Variants in RPS6KA5 observed in about 807,000 individuals in gnomAD.
RPS6KA5 encodes ribosomal protein S6 kinase A5.
Under a neutral mutation model 85.5 loss-of-function variants are expected in RPS6KA5, and 27 were observed. The ratio of observed to expected loss-of-function variants is 0.32; its 90% confidence interval spans 0.23 to 0.44. The LOEUF (loss-of-function observed/expected upper bound fraction) is 0.44, where lower values mean the gene tolerates loss of function less well. Ranked by LOEUF, RPS6KA5 falls within the 20% of genes least tolerant of loss-of-function variation. The pLI, the probability that RPS6KA5 is intolerant of heterozygous loss-of-function variation, is 1.00. For missense variants in RPS6KA5, 811 were observed against 980.9 expected, an observed-to-expected ratio of 0.83 and a Z score of 2.31; for synonymous variants, 334 against 348.2, an observed-to-expected ratio of 0.96 and a Z score of 0.46.
chr14:91,004,192 T>C (rs922139450), intron 1 of RPS6KA5, among the ~76,000 whole-genome samples: 5 of 152,116 alleles, frequency 3.3e-5, no homozygotes, highest in African/African-American at 1.2e-4. Flanking sequence ...TTCACGCCAT[T>C]CTCCTGCCTC....
chr14:91,028,221 A>G (rs932495468), intron 1 of RPS6KA5, among the ~76,000 whole-genome samples: 1 of 152,160 alleles, frequency 6.6e-6, no homozygotes, highest in Admixed American at 6.5e-5. Flanking sequence ...ACACCCTTAC[A>G]AAGAAAATTT....
At chr14:90,995,275 G>A (rs1023812962) in intron 2 of RPS6KA5, among the ~76,000 whole-genome samples, 5 of 152,140 alleles carry the variant, frequency 3.3e-5, no homozygotes, top group African/African-American at 4.8e-5. Flanking sequence ...ACGAGCCACC[G>A]TGCCTGGCCA....
chr14:90,890,580 A>C lies in RPS6KA5; in HGVS notation c.1743T>G (p.Thr581=), dbSNP rs998198073. The C allele has an allele frequency of 6.2e-7, 1 of 1,614,180 alleles. No individual in the cohort carries two copies. Among genetic ancestry groups the C allele is most frequent in the African/African-American group, 1.3e-5 (1 of 75,046 alleles). The change falls in exon 14 of 17, where the codon ACT becomes ACG. Residue 581 remains threonine, a synonymous_variant. Transcript: ENST00000614987. The part of the protein sequence containing the change: ...LKPPDNQPLK[T]PCFTLHYAAP... Reference sequence around the variant, plus strand: ...CGGCATAATGAAGGGTGAAGCATGGAGTCTTCAGGGGCTGATTATCCGGTG... The same window carrying C: ...CGGCATAATGAAGGGTGAAGCATGGCGTCTTCAGGGGCTGATTATCCGGTG...
chr14:90,928,112 G>A (rs929755035), intron 5 of RPS6KA5, among the ~76,000 whole-genome samples: 2 of 151,574 alleles, frequency 1.3e-5, no homozygotes, highest in Admixed American at 6.6e-5. Context: ...ACTTTTTGTA[G>A]AGAGACGCAG....
intron 1 of RPS6KA5, among the ~76,000 whole-genome samples, chr14:91,033,862 AG>A (rs1161635186): frequency 2.0e-5 from 3 of 152,226 alleles, no homozygotes; most frequent in African/African-American, 7.2e-5. Context: ...ATAGGGAAAA[AG>A]AAAACTCAAA....
intron 9 of RPS6KA5, among the ~76,000 whole-genome samples, chr14:90,901,706 C>T (rs1464968406): frequency 6.6e-6 from 1 of 152,156 alleles, no homozygotes; most frequent in African/African-American, 2.4e-5. Flanking sequence ...TTAAGCCATA[C>T]TAAAGGTATA....
At chr14:90,986,940 A>T (rs959385855) in intron 2 of RPS6KA5, among the ~76,000 whole-genome samples, 2 of 152,194 alleles carry the variant, frequency 1.3e-5, no homozygotes, top group African/African-American at 4.8e-5. Flanking sequence ...GCAGTAAATC[A>T]CATAAATCCA....
rs34806962 is a variant in RPS6KA5, at chr14:91,016,866, CAAA to C, written c.104-15710_104-15708del. 1.9e-3 allele frequency among the ~76,000 whole-genome samples: 235 copies of C among 120,778 alleles called. 1 individual carries two copies. Among genetic ancestry groups the C allele is most frequent in the Middle Eastern group, 0.018 (4 of 222 alleles). The allele number at this position is 120,778 out of a possible 152,430, so 79.2% of individuals were successfully genotyped here. On this transcript the variant is annotated intron_variant, in intron 1 of 16. Transcript: ENST00000614987. ...ATTTGGCTAGAGCTCTCTAAACAGG[CAAA>C]AAAAAAAAAAAAAAACTGAAGGTAT... is the stretch of plus-strand genomic sequence containing the variant.
At chr14:90,996,110 C>G (rs956148656) in intron 2 of RPS6KA5, among the ~76,000 whole-genome samples, 27 of 152,020 alleles carry the variant, frequency 1.8e-4, no homozygotes, top group African/African-American at 6.0e-4. Flanking sequence ...CTTCCAGACT[C>G]AAGAGATATT....
intron 1 of RPS6KA5, among the ~76,000 whole-genome samples, chr14:91,059,784 C>T (rs1357575593): frequency 6.6e-6 from 1 of 152,234 alleles, no homozygotes; most frequent in Non-Finnish European, 1.5e-5. Context: ...GCCGGCGATT[C>T]CTGTTCCTGT....
chr14:91,055,504 G>A (rs2043277811), intron 1 of RPS6KA5, among the ~76,000 whole-genome samples: 2 of 152,162 alleles, frequency 1.3e-5, no homozygotes, highest in South Asian at 4.1e-4. Flanking sequence ...ATTTTGCCGG[G>A]CAGGTTGGCT....
At chr14:90,873,953 T>G (rs2033288493) in intron 15 of RPS6KA5, among the ~76,000 whole-genome samples, 158 bp from the exon 16 acceptor site, 1 of 152,228 alleles carries the variant, frequency 6.6e-6, no homozygotes, top group East Asian at 1.9e-4. Context: ...TCATTTAAAT[T>G]CTTTTGTGAA....
At chr14:90,932,788 T>C (rs990671637) in intron 5 of RPS6KA5, among the ~76,000 whole-genome samples, 1 of 152,190 alleles carries the variant, frequency 6.6e-6, no homozygotes. Context: ...AAGGACAGTG[T>C]TCCAGCAATT....
chr14:90,884,552 C>G (rs2034065078), intron 14 of RPS6KA5, among the ~76,000 whole-genome samples: 1 of 152,204 alleles, frequency 6.6e-6, no homozygotes, highest in Admixed American at 6.5e-5. Flanking sequence ...ATTAACTGCA[C>G]TTTACTGTCC....
At chr14:90,998,090 A>T (rs1485461705) in intron 2 of RPS6KA5, among the ~76,000 whole-genome samples, 2 of 151,776 alleles carry the variant, frequency 1.3e-5, no homozygotes, top group African/African-American at 4.8e-5. Flanking sequence ...ATGTTAAGTG[A>T]AAGAAGCTGG....
chr14:90,892,362 T>TTA (rs1308593521), intron 13 of RPS6KA5, among the ~76,000 whole-genome samples: 2 of 152,186 alleles, frequency 1.3e-5, no homozygotes, highest in Non-Finnish European at 2.9e-5. Flanking sequence ...ATTTGGTGAC[T>TTA]TTAATCCATT....
At chr14:90,983,144 G>A (rs1274895988) in intron 2 of RPS6KA5, among the ~76,000 whole-genome samples, 9 of 151,280 alleles carry the variant, frequency 5.9e-5, no homozygotes, top group Non-Finnish European at 1.3e-4. Flanking sequence ...GGGCGTGGTG[G>A]CGGGTGCCTG....
At position 90,894,483 on chromosome 14, in the gene RPS6KA5, A is replaced by G. The variant is rs2034727475; in HGVS notation, c.1574T>C (p.Met525Thr). 1.2e-6 allele frequency: 2 copies of G among 1,613,996 alleles called. No homozygotes were observed. Among genetic ancestry groups the G allele is most frequent in the Non-Finnish European group, 8.5e-7 (1 of 1,180,020 alleles). ...HFSETEASYIMRKLVSAVSHM... is the reference protein window; with the variant it reads ...HFSETEASYITRKLVSAVSHM... ...GCTTACAGCTGAAACAAGCTTCCTC[A>G]TGATGTAGCTGGCTTCCGTCTCACT... is the stretch of plus-strand genomic sequence containing the variant. The change falls in exon 13 of 17, where the codon ATG (methionine) becomes ACG (threonine). Residue 525 changes from methionine (M) to threonine (T), a missense_variant. Physicochemically the swap from Met to Thr is moderately conservative, Grantham distance 81. Around this residue, in one of 3 missense-constraint regions of RPS6KA5, gnomAD observed 650 missense variants for 793.4 expected, o/e 0.82. Coordinates refer to ENST00000614987, the MANE Select transcript of RPS6KA5 (RefSeq NM_004755.4).
intron 2 of RPS6KA5, among the ~76,000 whole-genome samples, chr14:90,988,203 C>T (rs537434308): frequency 3.9e-4 from 60 of 152,242 alleles, no homozygotes; most frequent in Middle Eastern, 6.8e-3. Context: ...GTTGTTATTT[C>T]TCTATTTACT....
Sources: gnomAD v4.1 joint callset for allele counts (sites outside exome capture counted in the v4.1 genomes callset) on GRCh38, gnomAD v4.1.1 for gene constraint, gnomAD v4.1.1 regional missense constraint, MANE v1.5 for transcripts, NCBI Gene and HGNC (gene_info 2026-07-23, HGNC 2026-07-21) for gene names.